The following NACC1 variants were observed in gnomAD, a reference collection of about 807,000 sequenced individuals.
NACC1 encodes the protein nucleus accumbens associated 1.
NACC1 carries 6 observed loss-of-function variants against 41.7 expected under a neutral mutation model. The ratio of observed to expected loss-of-function variants is 0.14; its 90% confidence interval spans 0.08 to 0.28. NACC1 has a LOEUF of 0.28. Among genes scored for constraint, NACC1 ranks in the 10% least tolerant of loss-of-function variants. The pLI is 1.00. For synonymous variants in NACC1, 338 were observed against 330.6 expected, an observed-to-expected ratio of 1.02 and a Z score of -0.24; for missense variants, 434 against 763.7, an observed-to-expected ratio of 0.57 and a Z score of 5.09.
In NACC1 at chr19:13,140,517, G is replaced by A. The variant is rs1346672662; in HGVS notation, c.*2111G>A. ...CTGCCCCTCTCTGCCTTTTCCTCGG[G>A]TGTCCCTCCTCGAGCCCCTGTGGCA... On this transcript the variant is annotated 3_prime_UTR_variant, in exon 6 of 6. Transcript: ENST00000292431. This position sits in a 1 kb window ranked among gnomAD's most constrained non-coding sequence, Gnocchi z 4.0. 6.6e-6 allele frequency: 1 copy of A among 152,040 alleles called. No individual in the cohort carries two copies. The highest frequency in any genetic ancestry group is 2.4e-5 in the African/African-American group (1 of 41,328). The allele number at this position is 152,040 out of a possible 1,614,324, so 9.4% of individuals were successfully genotyped here.
intron 1 of NACC1, among the ~76,000 whole-genome samples, chr19:13,132,863 G>A (rs1249313541): frequency 6.6e-6 from 1 of 152,190 alleles, no homozygotes; most frequent in Non-Finnish European, 1.5e-5. Flanking sequence ...TTTCCAAATG[G>A]AGAAAGCAGA....
chr19:13,129,030 A>C (rs2019598636), intron 1 of NACC1, among the ~76,000 whole-genome samples: 1 of 152,134 alleles, frequency 6.6e-6, no homozygotes, highest in South Asian at 2.1e-4. Context: ...AGTGGGACTT[A>C]GTTTCCTCAG....
intron 1 of NACC1, among the ~76,000 whole-genome samples, chr19:13,127,945 G>C (rs1236975125): frequency 6.6e-6 from 1 of 152,180 alleles, no homozygotes; most frequent in Non-Finnish European, 1.5e-5. Flanking sequence ...AGAGCAAGCA[G>C]GGCCAGACTG....
Position 13,137,592 on chromosome 19 carries a change from C to T in NACC1, c.1324+17C>T. The T allele has an allele frequency of 1.3e-6, 2 of 1,546,372 alleles. No homozygotes were observed. The highest frequency in any genetic ancestry group is 1.4e-5 in the African/African-American group (1 of 73,008). On this transcript the variant is annotated intron_variant, in intron 5 of 5. Coordinates refer to ENST00000292431, the MANE Select transcript of NACC1 (RefSeq NM_052876.4). The surrounding 1 kb of genome is among the most constrained non-coding windows in gnomAD (Gnocchi z 6.1). ...CTGTCAAGTGTGAGTGTTGGCCCAG[C>T]TGGACGAGGCGTGGGCCCGGGGCAC... is the stretch of plus-strand genomic sequence containing the variant.
intron 1 of NACC1, among the ~76,000 whole-genome samples, chr19:13,125,771 G>C (rs527394381): frequency 6.6e-6 from 1 of 151,358 alleles, no homozygotes; most frequent in African/African-American, 2.4e-5. Flanking sequence ...ATGGAGTCTT[G>C]CTCTGTTGCC....
intron 1 of NACC1, among the ~76,000 whole-genome samples, chr19:13,124,356 C>T (rs1276764855): frequency 1.3e-5 from 2 of 152,018 alleles, no homozygotes; most frequent in Admixed American, 6.6e-5. Flanking sequence ...GCCGAAATCA[C>T]GCCACTGTAC....
chr19:13,135,262 T>TGCCTCAATGAACAGCGGCTGCAGG lies in NACC1; in HGVS notation c.60_83dup (p.Asn21_Leu28dup). 1 of 1,613,298 alleles carries TGCCTCAATGAACAGCGGCTGCAGG rather than the reference T, an allele frequency of 6.2e-7. No individual in the cohort carries two copies. The highest frequency in any genetic ancestry group is 8.5e-7 in the Non-Finnish European group (1 of 1,179,854). Reference sequence around the variant, plus strand: ...GAACTTCGGCAACAGCATCCTGGAGTGCCTCAATGAACAGCGGCTGCAGGG... The same window carrying TGCCTCAATGAACAGCGGCTGCAGG: ...GAACTTCGGCAACAGCATCCTGGAGTGCCTCAATGAACAGCGGCTGCAGGGCCTCAATGAACAGCGGCTGCAGGG... On this transcript the variant is annotated inframe_insertion, in exon 2 of 6. Coordinates refer to ENST00000292431, the MANE Select transcript of NACC1 (RefSeq NM_052876.4).
chr19:13,123,140 C>T (rs573060072), intron 1 of NACC1, among the ~76,000 whole-genome samples: 1 of 152,292 alleles, frequency 6.6e-6, no homozygotes, highest in South Asian at 2.1e-4. Flanking sequence ...CCAGGATGAT[C>T]CCCATCCCTC....
intron 1 of NACC1, among the ~76,000 whole-genome samples, 187 bp downstream of exon 1, chr19:13,118,641 C>T (rs2019440312): frequency 6.6e-6 from 1 of 151,646 alleles, no homozygotes; most frequent in Admixed American, 6.6e-5. Context: ...CCAGCCCGAG[C>T]TTCAGGGCTT....
chr19:13,127,466 G>A (rs554683512), intron 1 of NACC1, among the ~76,000 whole-genome samples: 9 of 146,452 alleles, frequency 6.1e-5, no homozygotes, highest in African/African-American at 1.8e-4. Context: ...GGAGGTGGGC[G>A]GATCACTTGA....
rs962633381 is a variant in NACC1, at chr19:13,118,341, C to T, written c.-122C>T. ...CTGCTGAGGCGGAGGCCGCGGAGGC[C>T]GCGGAGGCGGAGGCCGAGGCCCCGG... On this transcript the variant is annotated 5_prime_UTR_variant, in exon 1 of 6. Transcript: ENST00000292431. 5 of 146,644 alleles carry T rather than the reference C, an allele frequency of 3.4e-5. No homozygotes were observed. The highest frequency in any genetic ancestry group is 1.2e-4 in the African/African-American group (5 of 40,878). The allele number at this position is 146,644 out of a possible 1,614,324, so 9.1% of individuals were successfully genotyped here. A position where few individuals can be genotyped will look rare whatever the true frequency, so the allele number is the denominator to read the frequency against.
chr19:13,137,123 A>G lies in NACC1; in HGVS notation c.1121-148A>G, dbSNP rs1477292277. On this transcript the variant is annotated intron_variant, in intron 3 of 5. Coordinates refer to ENST00000292431, the MANE Select transcript of NACC1 (RefSeq NM_052876.4). The surrounding 1 kb of genome is among the most constrained non-coding windows in gnomAD (Gnocchi z 6.1). ...CCCTGACTGCCCTTGGTGGGTAGAG[A>G]TGTAGGGGAGAAGGTCCCTGGGTGA... 1 of 689,956 alleles carries G rather than the reference A, an allele frequency of 1.4e-6. No individual in the cohort carries two copies. Among genetic ancestry groups the G allele is most frequent in the Non-Finnish European group, 2.5e-6 (1 of 396,998 alleles). 42.7% of individuals were successfully genotyped at this position (689,956 alleles called of 1,614,324 possible). A position where few individuals can be genotyped will look rare whatever the true frequency, so the allele number is the denominator to read the frequency against.
chr19:13,130,154 G>A (rs2019616185), intron 1 of NACC1, among the ~76,000 whole-genome samples: 1 of 152,104 alleles, frequency 6.6e-6, no homozygotes, highest in Non-Finnish European at 1.5e-5. Context: ...ATCACTCACT[G>A]CAGCCTCTAA....
Position 13,135,473 on chromosome 19 carries a change from G to A in NACC1, c.266G>A (p.Arg89Gln), listed in dbSNP as rs2145623239. ...ATCCTCAGCTTCTGCTACACGGGCC[G>A]GCTGAGCATGAACGTGGGCGACCAG... ...QQILSFCYTG[R>Q]LSMNVGDQFL... The change falls in exon 2 of 6, where the codon CGG becomes CAG. Residue 89 changes from arginine (R) to glutamine (Q), a missense_variant. This residue lies in a region of NACC1 where 67 missense variants were observed against 180.1 expected (regional missense o/e 0.37). Coordinates refer to ENST00000292431, the MANE Select transcript of NACC1 (RefSeq NM_052876.4). 1.2e-6 allele frequency: 2 copies of A among 1,613,598 alleles called. No individual in the cohort carries two copies. Among genetic ancestry groups the A allele is most frequent in the Non-Finnish European group, 1.7e-6 (2 of 1,179,902 alleles).
intron 1 of NACC1, among the ~76,000 whole-genome samples, chr19:13,126,361 C>T (rs765244802): frequency 9.9e-5 from 15 of 152,280 alleles, no homozygotes; most frequent in Non-Finnish European, 2.1e-4. Context: ...AGCCCCACTT[C>T]TTAATACCAC....
intron 1 of NACC1, among the ~76,000 whole-genome samples, chr19:13,124,022 C>T (rs780710673): frequency 1.3e-5 from 2 of 152,154 alleles, no homozygotes; most frequent in Non-Finnish European, 2.9e-5. Flanking sequence ...GTAGGGGACA[C>T]TGTTACTAAT....
At chr19:13,125,401 C>A (rs555755265) in intron 1 of NACC1, among the ~76,000 whole-genome samples, 1 of 145,974 alleles carries the variant, frequency 6.9e-6, no homozygotes, top group African/African-American at 2.5e-5. Flanking sequence ...AATCAACTCC[C>A]GAAGGCCCCA....
At chr19:13,122,857 T>C (rs2019516491) in intron 1 of NACC1, among the ~76,000 whole-genome samples, 1 of 152,122 alleles carries the variant, frequency 6.6e-6, no homozygotes, top group South Asian at 2.1e-4. Context: ...GGCCAGGGGA[T>C]ACGACTAACA....
chr19:13,125,160 C>CA (rs1416478014), intron 1 of NACC1, among the ~76,000 whole-genome samples: 3 of 151,766 alleles, frequency 2.0e-5, no homozygotes, highest in African/African-American at 7.3e-5. Flanking sequence ...GACCCTGTCT[C>CA]AAAAAAACAA....
Sources: gnomAD v4.1 joint callset for allele counts (sites outside exome capture counted in the v4.1 genomes callset) on GRCh38, gnomAD v4.1.1 for gene constraint, gnomAD v4.1.1 regional missense constraint, Gnocchi (gnomAD v3.1) non-coding constraint, MANE v1.5 for transcripts, NCBI Gene and HGNC (gene_info 2026-07-23, HGNC 2026-07-21) for gene names.